The following TCERG1L variants were observed in gnomAD, a reference collection of about 807,000 sequenced individuals.
TCERG1L encodes transcription elongation regulator 1-like protein.
Under a neutral mutation model 56.3 loss-of-function variants are expected in TCERG1L, and 37 were observed. The ratio of observed to expected loss-of-function variants is 0.66; its 90% CI spans 0.51 to 0.87. The LOEUF (loss-of-function observed/expected upper bound fraction) is 0.87, where lower values mean the gene tolerates loss of function less well. Among genes scored for constraint, TCERG1L ranks in the 40% least tolerant of loss-of-function variants. The pLI is 0.00. For synonymous variants in TCERG1L, 324 were observed against 326.3 expected, an observed-to-expected ratio of 0.99 and a Z score of 0.08; for missense variants, 799 against 774.2, an observed-to-expected ratio of 1.03 and a Z score of -0.38.
At chr10:131,143,135 G>A (rs1485233922) in intron 7 of TCERG1L, among the ~76,000 whole-genome samples, 1 of 152,176 alleles carries the variant, frequency 6.6e-6, no homozygotes, top group Non-Finnish European at 1.5e-5. Flanking sequence ...ACCTTGTGTG[G>A]CTTTTAGCCT....
chr10:131,206,172 G>T (rs1845523510), intron 4 of TCERG1L, among the ~76,000 whole-genome samples: 1 of 152,252 alleles, frequency 6.6e-6, no homozygotes, highest in African/African-American at 2.4e-5. Flanking sequence ...GACAACGAAT[G>T]AACTGCCAAT....
chr10:131,222,988 G>T (rs1276243816), intron 4 of TCERG1L, among the ~76,000 whole-genome samples: 1 of 152,204 alleles, frequency 6.6e-6, no homozygotes, highest in Non-Finnish European at 1.5e-5. Flanking sequence ...GTTCTGGTGA[G>T]GATAGTGAGT....
chr10:131,305,727 G>A (rs1434057157), intron 3 of TCERG1L, among the ~76,000 whole-genome samples: 1 of 152,010 alleles, frequency 6.6e-6, no homozygotes, highest in East Asian at 1.9e-4. Context: ...TGGGAGCTCT[G>A]TTTCTGCTTC....
Position 131,116,888 on chromosome 10 carries a change from CCT to C in TCERG1L, c.1304_1305del (p.Glu435GlyfsTer47). ...GSPKPEEAKR[E>X]DKGTRTPPPQ... ...GGGGGCGGCGTCCTTGTGCCTTTGT[CCT>C]CTCTCTTTGCCTCCTCTGGCTTGGG... On this transcript the variant is annotated frameshift_variant, in exon 9 of 12. Transcript: ENST00000368642. LOFTEE classifies it high-confidence loss of function. 6.2e-7 allele frequency: 1 copy of C among 1,603,620 alleles called. No individual in the cohort carries two copies. Among genetic ancestry groups the C allele is most frequent in the Non-Finnish European group, 8.5e-7 (1 of 1,175,544 alleles).
At chr10:131,198,407 A>G (rs1216024589) in intron 4 of TCERG1L, among the ~76,000 whole-genome samples, 1 of 152,266 alleles carries the variant, frequency 6.6e-6, no homozygotes, top group Non-Finnish European at 1.5e-5. Flanking sequence ...AGTGTCCCTC[A>G]AGACAGAGCG....
intron 4 of TCERG1L, among the ~76,000 whole-genome samples, chr10:131,202,347 C>T (rs777387464): frequency 5.3e-5 from 8 of 152,072 alleles, no homozygotes; most frequent in Non-Finnish European, 8.8e-5. Flanking sequence ...TTTGGGAGGC[C>T]GAGGAGGGCG....
At chr10:131,280,564 T>C (rs1846440436) in intron 3 of TCERG1L, among the ~76,000 whole-genome samples, 1 of 152,120 alleles carries the variant, frequency 6.6e-6, no homozygotes, top group African/African-American at 2.4e-5. Flanking sequence ...TGATTTTGAA[T>C]AGAATGGGAC....
chr10:131,116,516 C>T (rs1326007075), intron 9 of TCERG1L, among the ~76,000 whole-genome samples: 1 of 152,188 alleles, frequency 6.6e-6, no homozygotes, highest in Admixed American at 6.5e-5. Flanking sequence ...GCAGGACCTC[C>T]TCTCCACTTT....
chr10:131,139,690 CTGTGTG>C (rs10534161), intron 7 of TCERG1L, among the ~76,000 whole-genome samples: 23 of 150,304 alleles, frequency 1.5e-4, no homozygotes, highest in East Asian at 3.9e-4. Context: ...GTGTGTGTGT[CTGTGTG>C]TGTGTGTGTG....
intron 2 of TCERG1L, among the ~76,000 whole-genome samples, chr10:131,308,857 T>A (rs570362820): frequency 6.6e-6 from 1 of 152,336 alleles, no homozygotes; most frequent in Non-Finnish European, 1.5e-5. Flanking sequence ...CAAGTCTAGA[T>A]TTTTGATCAA....
At chr10:131,226,747 C>T (rs551681659) in intron 4 of TCERG1L, among the ~76,000 whole-genome samples, 7 of 152,342 alleles carry the variant, frequency 4.6e-5, no homozygotes, top group South Asian at 4.1e-4. Context: ...GAAGTGTAAA[C>T]GCCCAACCAA....
intron 5 of TCERG1L, among the ~76,000 whole-genome samples, chr10:131,164,434 C>T (rs1224157489): frequency 6.6e-6 from 1 of 152,154 alleles, no homozygotes; most frequent in Admixed American, 6.5e-5. Context: ...AAATTCTTAC[C>T]AGTAGAACCA....
chr10:131,125,876 C>T (rs1325092580), intron 8 of TCERG1L, among the ~76,000 whole-genome samples: 1 of 152,222 alleles, frequency 6.6e-6, no homozygotes, highest in Non-Finnish European at 1.5e-5. Flanking sequence ...TGTTCCTCTG[C>T]TCTTACACAG....
chr10:131,279,437 A>C (rs1403559338), intron 3 of TCERG1L, among the ~76,000 whole-genome samples: 2 of 152,172 alleles, frequency 1.3e-5, no homozygotes, highest in East Asian at 3.9e-4. Flanking sequence ...CAGTGAGCCC[A>C]TTCCAGGCTT....
At chr10:131,206,281 T>C (rs1276835781) in intron 4 of TCERG1L, among the ~76,000 whole-genome samples, 1 of 151,884 alleles carries the variant, frequency 6.6e-6, no homozygotes, top group Non-Finnish European at 1.5e-5. Flanking sequence ...AGCCTGGGAG[T>C]GGACTCAGGG....
intron 4 of TCERG1L, among the ~76,000 whole-genome samples, chr10:131,221,108 C>T (rs1589752942): frequency 6.6e-6 from 1 of 152,220 alleles, no homozygotes; most frequent in African/African-American, 2.4e-5. Context: ...TGAGGTGGCC[C>T]CCACGCCTGC....
At chr10:131,220,179 G>T (rs572708220) in intron 4 of TCERG1L, among the ~76,000 whole-genome samples, 1 of 152,184 alleles carries the variant, frequency 6.6e-6, no homozygotes, top group Admixed American at 6.5e-5. Flanking sequence ...ATGCGAAGGG[G>T]ACAGCCCCCC....
chr10:131,140,052 C>T (rs1246258991), intron 7 of TCERG1L, among the ~76,000 whole-genome samples: 1 of 152,172 alleles, frequency 6.6e-6, no homozygotes, highest in African/African-American at 2.4e-5. Context: ...TTTGGTAAAA[C>T]TTACTATGGA....
At chr10:131,274,377 C>T (rs1846372295) in intron 3 of TCERG1L, among the ~76,000 whole-genome samples, 1 of 152,340 alleles carries the variant, frequency 6.6e-6, no homozygotes, top group South Asian at 2.1e-4. Flanking sequence ...TTCAGTTTTG[C>T]TCAGCATCCT....
Sources: gnomAD v4.1 joint callset for allele counts (sites outside exome capture counted in the v4.1 genomes callset) on GRCh38, gnomAD v4.1.1 for gene constraint, MANE v1.5 for transcripts, NCBI Gene and HGNC (gene_info 2026-07-23, HGNC 2026-07-21) for gene names.